TBCD: variants seen among roughly 807,000 people sequenced by gnomAD.
TBCD encodes tubulin-specific chaperone D.
In TBCD, 105 loss-of-function variants were observed where a neutral mutation model predicts 169.3. The observed-to-expected ratio is 0.62, with a 90% confidence interval of 0.53 to 0.73. The LOEUF (loss-of-function observed/expected upper bound fraction) is 0.73. TBCD is among the 30% of genes least tolerant of loss of function. The pLI is 0.00. For synonymous variants in TBCD, 700 were observed against 643.9 expected, an observed-to-expected ratio of 1.09 and a Z score of -1.32; for missense variants, 1,444 against 1,600.1, an observed-to-expected ratio of 0.90 and a Z score of 1.66.
intron 2 of TBCD, among the ~76,000 whole-genome samples, chr17:82,758,400 A>AAAAAAAAAAAAAAAAAT (rs1035939621): frequency 6.3e-4 from 63 of 100,008 alleles, no homozygotes; most frequent in East Asian, 1.3e-3. Context: ...AAAAAAAAAA[A>AAAAAAAAAAAAAAAAAT]AAATAAATAA....
At chr17:82,937,720 C>G (rs1428536258) in intron 35 of TBCD, 1 of 723,480 alleles carries the variant, frequency 1.4e-6, no homozygotes, top group Non-Finnish European at 2.2e-6. Flanking sequence ...CAGGTGGACA[C>G]TGGGCAGGTG....
At chr17:82,863,509 A>G (rs534707092) in intron 13 of TBCD, among the ~76,000 whole-genome samples, 1 of 152,292 alleles carries the variant, frequency 6.6e-6, no homozygotes, top group African/African-American at 2.4e-5. Flanking sequence ...AGAAGCACTC[A>G]CTCACAATAA....
chr17:82,869,786 A>G (rs1314333157), intron 13 of TBCD, among the ~76,000 whole-genome samples: 1 of 149,202 alleles, frequency 6.7e-6, no homozygotes, highest in East Asian at 1.9e-4. Context: ...TGTCCACGAC[A>G]GTACAATTCC....
chr17:82,939,502 C>A (rs757732207), intron 37 of TBCD, 26 bp downstream of exon 37: 6 of 1,574,968 alleles, frequency 3.8e-6, no homozygotes, highest in Non-Finnish European at 4.3e-6. Context: ...TCCTGCACGG[C>A]CACCTGGGCC....
intron 6 of TBCD, 82 bp downstream of exon 6, chr17:82,772,589 C>T (rs2048362693): frequency 7.0e-7 from 1 of 1,433,258 alleles, no homozygotes; most frequent in African/African-American, 1.4e-5. Context: ...TCATGTGCGT[C>T]TTCAGTCCTC....
At chr17:82,894,530 C>G (rs1057382999) in intron 17 of TBCD, among the ~76,000 whole-genome samples, 11 of 152,232 alleles carry the variant, frequency 7.2e-5, no homozygotes, top group Non-Finnish European at 1.5e-4. Flanking sequence ...CGTCACCAGC[C>G]TGGGCAGAAT....
Position 82,889,623 on chromosome 17 carries a change from G to T in TBCD, c.1534-45G>T. 1 of 1,613,544 alleles carries T rather than the reference G, an allele frequency of 6.2e-7. No homozygotes were observed. The highest frequency in any genetic ancestry group is 1.3e-5 in the African/African-American group (1 of 75,036). ...TCTGAACTTGCCTCTGGTGTTGGCG[G>T]AAGCTGACCTCGCTCACCTGCTGTG... On this transcript the variant is annotated intron_variant, in intron 15 of 38. Coordinates refer to ENST00000355528, the MANE Select transcript of TBCD (RefSeq NM_005993.5). This position sits in a 1 kb window ranked among gnomAD's most constrained non-coding sequence, Gnocchi z 5.3.
At chr17:82,882,302 C>T (rs12936452) in intron 14 of TBCD, among the ~76,000 whole-genome samples, 38,396 of 152,130 alleles carry the variant, frequency 0.25, 4,859 homozygotes, top group Middle Eastern at 0.32. Context: ...CCCAGCACCC[C>T]GCTGTCAAGC....
At chr17:82,790,010 AC>A (rs1351704448) in intron 7 of TBCD, among the ~76,000 whole-genome samples, 1 of 147,344 alleles carries the variant, frequency 6.8e-6, no homozygotes, top group Non-Finnish European at 1.5e-5. Flanking sequence ...CGTGGCTCTG[AC>A]ATGTCTCCTT....
chr17:82,830,805 G>C (rs113712631), intron 13 of TBCD: 1 of 1,613,546 alleles, frequency 6.2e-7, no homozygotes, highest in African/African-American at 1.3e-5. Flanking sequence ...CGTCCGGACT[G>C]GAAGGCGCGG....
chr17:82,849,157 A>G (rs1472401313), intron 13 of TBCD, among the ~76,000 whole-genome samples: 2 of 63,462 alleles, frequency 3.2e-5, no homozygotes, highest in East Asian at 9.8e-4. Flanking sequence ...CGTCTTCTCC[A>G]TCTCGATGTC....
chr17:82,765,532 T>C (rs1192086091), intron 3 of TBCD, among the ~76,000 whole-genome samples: 2 of 152,214 alleles, frequency 1.3e-5, no homozygotes, highest in Non-Finnish European at 2.9e-5. Context: ...GGGTTCGTAG[T>C]GGCGAGGCGC....
intron 13 of TBCD, among the ~76,000 whole-genome samples, chr17:82,827,635 C>T (rs141545775): frequency 1.3e-4 from 20 of 152,272 alleles, no homozygotes; most frequent in African/African-American, 4.1e-4. Flanking sequence ...TGCACACTGA[C>T]ACATGCACGT....
At chr17:82,883,617 C>T (rs993946667) in intron 14 of TBCD, among the ~76,000 whole-genome samples, 1 of 152,206 alleles carries the variant, frequency 6.6e-6, no homozygotes, top group African/African-American at 2.4e-5. Context: ...CCTCAGGTCC[C>T]TCTGGGCACG....
intron 2 of TBCD, among the ~76,000 whole-genome samples, chr17:82,761,783 T>C (rs2047770492): frequency 1.3e-5 from 2 of 151,540 alleles, no homozygotes; most frequent in Admixed American, 1.3e-4. Context: ...TGGAGTGCAG[T>C]GGTGCGATCT....
chr17:82,789,978 C>T lies in TBCD; in HGVS notation c.772-7779C>T, dbSNP rs373534683. Among the ~76,000 whole-genome samples, 10 of 152,200 alleles carry T rather than the reference C, an allele frequency of 6.6e-5. No individual in the cohort carries two copies. Among genetic ancestry groups the T allele is most frequent in the East Asian group, 1.9e-4 (1 of 5,186 alleles). On this transcript the variant is annotated intron_variant, in intron 7 of 38. Transcript: ENST00000355528. This position sits in a 1 kb window ranked among gnomAD's most constrained non-coding sequence, Gnocchi z 4.8. The stretch of plus-strand genomic sequence containing the variant: ...AGACGCCGTGTTCCCTCCCGCTGTC[C>T]GCTCACACCTGCCTGTGTGGACGTG...
intron 13 of TBCD, among the ~76,000 whole-genome samples, chr17:82,843,101 T>C (rs1042455469): frequency 1.3e-5 from 2 of 152,216 alleles, no homozygotes; most frequent in African/African-American, 4.8e-5. Flanking sequence ...CTATTTTCTC[T>C]AGCTTCTAGT....
chr17:82,867,248 T>C (rs2057236636), intron 13 of TBCD, among the ~76,000 whole-genome samples: 2 of 152,148 alleles, frequency 1.3e-5, no homozygotes, highest in South Asian at 4.2e-4. Flanking sequence ...GGTGCATGCG[T>C]TGGGCGTGCA....
At position 82,929,386 on chromosome 17, in the gene TBCD, G is replaced by A. The variant is rs1466348816; in HGVS notation, c.2877G>A (p.Trp959Ter). 6.2e-7 allele frequency: 1 copy of A among 1,613,084 alleles called. No homozygotes were observed. Among genetic ancestry groups the A allele is most frequent in the South Asian group, 1.1e-5 (1 of 91,080 alleles). The change falls in exon 32 of 39, where the codon TGG (tryptophan) becomes TGA (stop). Residue 959 changes from tryptophan to a stop codon, truncating the protein, a stop_gained. Coordinates refer to ENST00000355528, the MANE Select transcript of TBCD (RefSeq NM_005993.5). LOFTEE classifies it high-confidence loss of function. ...FPRSDVASVNWSAPSQAFPRI... is the reference protein window; with the variant it reads ...FPRSDVASVN The stretch of plus-strand genomic sequence containing the variant: ...GGTCCGATGTGGCCTCCGTGAACTG[G>A]AGTGCACCTTCCCAGGCCTTCCCAC...
Sources: allele counts gnomAD v4.1 joint callset (sites outside exome capture counted in the v4.1 genomes callset), GRCh38; gene constraint gnomAD v4.1.1; non-coding constraint Gnocchi (gnomAD v3.1); transcripts MANE v1.5; gene names NCBI Gene and HGNC (gene_info 2026-07-23, HGNC 2026-07-21).